Variants in CENPI observed in about 807,000 individuals in gnomAD.
CENPI encodes centromere protein I.
Under a neutral mutation model 60.4 loss-of-function variants are expected in CENPI, and 4 were observed. The ratio of observed to expected loss-of-function variants is 0.07; its 90% confidence interval spans 0.03 to 0.15. The LOEUF is 0.15. Among genes scored for constraint, CENPI ranks in the 10% least tolerant of loss-of-function variants. The pLI, the probability that CENPI is intolerant of heterozygous loss-of-function variation, is 1.00. For synonymous variants in CENPI, 157 were observed against 189.4 expected, an observed-to-expected ratio of 0.83 and a Z score of 1.40; for missense variants, 444 against 534.5, an observed-to-expected ratio of 0.83 and a Z score of 1.67.
chrX:101,162,473 A>ATATATATATAT (rs1556409814), intron 21 of CENPI, among the ~76,000 whole-genome samples: 1 of 68,129 alleles, frequency 1.5e-5, no homozygotes, highest in African/African-American at 6.9e-5. Context: ...AAAAAAAAAA[A>ATATATATATAT]ATATATATAT....
At chrX:101,098,953 C>T (rs771222547) in intron 2 of CENPI, 1 of 111,854 alleles carries the variant, frequency 8.9e-6, no homozygotes, top group South Asian at 3.8e-4. Flanking sequence ...AACTTAGTCC[C>T]TGGCTACGTT....
chrX:101,143,347 G>T (rs766795372), intron 16 of CENPI, among the ~76,000 whole-genome samples: 1 of 111,421 alleles, frequency 9.0e-6, no homozygotes, highest in African/African-American at 3.3e-5. Context: ...TGGATTGAAG[G>T]ACAGGGGTGA....
chrX:101,154,580 A>G (rs772581032), intron 20 of CENPI, among the ~76,000 whole-genome samples: 1 of 111,240 alleles, frequency 9.0e-6, no homozygotes, highest in Non-Finnish European at 1.9e-5. Flanking sequence ...AACTCTGTCT[A>G]AAAAAACAAA....
the CENPI span, among the ~76,000 whole-genome samples, chrX:101,174,295 G>C: frequency 9.0e-6 from 1 of 111,394 alleles, no homozygotes; most frequent in Non-Finnish European, 1.9e-5. Flanking sequence ...GATACCATTT[G>C]ACCTAGCAAT....
At chrX:101,181,776 A>G in the CENPI span, among the ~76,000 whole-genome samples, 1 of 111,675 alleles carries the variant, frequency 9.0e-6, no homozygotes, top group African/African-American at 3.3e-5. Context: ...CTTTTATTTC[A>G]TTTTCCTGAC....
intron 17 of CENPI, 103 bp from the exon 18 acceptor site, chrX:101,146,050 T>A: frequency 5.8e-6 from 4 of 688,721 alleles, no homozygotes; most frequent in Non-Finnish European, 6.2e-6. Context: ...CCAAAGCTAA[T>A]GTTATGTTAT....
At chrX:101,161,137 A>C in intron 20 of CENPI, among the ~76,000 whole-genome samples, 1 of 112,475 alleles carries the variant, frequency 8.9e-6, no homozygotes, top group Middle Eastern at 4.6e-3. Context: ...AATTCTGTTA[A>C]AAAGGCATTG....
intron 15 of CENPI, among the ~76,000 whole-genome samples, chrX:101,133,621 T>C (rs1353044439): frequency 1.8e-5 from 2 of 110,423 alleles, no homozygotes; most frequent in East Asian, 5.7e-4. Context: ...TATTTAATTC[T>C]CAGGCCAAGA....
In CENPI at chrX:101,161,567, C is replaced by G. The variant is rs746992618; in HGVS notation, c.2134C>G (p.Arg712Gly). The G allele has an allele frequency of 8.3e-7, 1 of 1,199,463 alleles. No individual in the cohort carries two copies. The highest frequency in any genetic ancestry group is 1.1e-6 in the Non-Finnish European group (1 of 885,006). ...EERTVNVSSI[R>G]GKKWSWYLDY... ...AAGGACAGTAAATGTGAGCTCTATTCGGGTAAATAAATTTACTTTCATCGT... is the reference window on the plus strand; with the variant it reads ...AAGGACAGTAAATGTGAGCTCTATTGGGGTAAATAAATTTACTTTCATCGT... The change falls in exon 21 of 22, where the codon CGG (arginine) becomes GGG (glycine). Residue 712 changes from arginine (R) to glycine (G), a missense_variant and splice_region_variant. Transcript: ENST00000682095.
In CENPI at chrX:101,127,672, G is replaced by C; in HGVS notation, c.1074+7G>C. The C allele has an allele frequency of 4.5e-6, 5 of 1,115,639 alleles. No individual in the cohort carries two copies. Among genetic ancestry groups the C allele is most frequent in the Non-Finnish European group, 6.0e-6 (5 of 839,389 alleles). 91.9% of individuals were successfully genotyped at this position (1,115,639 alleles called of 1,213,427 possible). On this transcript the variant is annotated splice_region_variant and intron_variant, in intron 11 of 21. Coordinates refer to ENST00000682095, the MANE Select transcript of CENPI (RefSeq NM_001386188.2). ...GAACATCCATTGCTTAGAGGTATGT[G>C]ACTGGACCATGTGCTTCTTTGCATT... is the stretch of plus-strand genomic sequence containing the variant.
chrX:101,130,761 C>T (rs140905861), intron 13 of CENPI, among the ~76,000 whole-genome samples: 2,052 of 111,385 alleles, frequency 0.018, 58 homozygotes, highest in African/African-American at 0.064. Flanking sequence ...TTTGGGTAAC[C>T]CTGAGTTGTA....
the CENPI span, among the ~76,000 whole-genome samples, chrX:101,176,724 C>T: frequency 1.8e-5 from 2 of 112,104 alleles, no homozygotes; most frequent in Non-Finnish European, 3.8e-5. Context: ...TTCAACGATG[C>T]CTCTACTCTG....
chrX:101,145,712 C>A (rs1395380447), intron 17 of CENPI, among the ~76,000 whole-genome samples: 1 of 108,307 alleles, frequency 9.2e-6, no homozygotes, highest in African/African-American at 3.3e-5. Context: ...TTAATATTAT[C>A]CATGAAGTAT....
Position 101,151,391 on chromosome X carries a change from T to C in CENPI, c.2094+3230T>C, listed in dbSNP as rs188920974. Among the ~76,000 whole-genome samples the C allele has an allele frequency of 4.9e-3, 547 of 111,832 alleles. 8 individuals are homozygous for C. The highest frequency in any genetic ancestry group is 0.038 in the Admixed American group (400 of 10,464). On this transcript the variant is annotated intron_variant, in intron 20 of 21. Transcript: ENST00000682095. ...TTGGCAAATTCCCTCAGGCCAAAAG[T>C]GATTTTGAGTATTAGACTTACTTCT... is the stretch of plus-strand genomic sequence containing the variant.
intron 12 of CENPI, 41 bp from the exon 13 acceptor site, chrX:101,129,941 G>A: frequency 1.1e-6 from 1 of 910,740 alleles, no homozygotes. Flanking sequence ...CTTTTTTATT[G>A]TGGTACAACT....
intron 2 of CENPI, among the ~76,000 whole-genome samples, chrX:101,099,526 T>A (rs1473874850): frequency 9.0e-6 from 1 of 110,748 alleles, no homozygotes; most frequent in Non-Finnish European, 1.9e-5. Context: ...CCAGCCAAGC[T>A]GCTGTTTCTT....
intron 20 of CENPI, among the ~76,000 whole-genome samples, chrX:101,151,927 CCAT>C (rs1306508513): frequency 9.0e-6 from 1 of 110,716 alleles, no homozygotes; most frequent in Non-Finnish European, 1.9e-5. Context: ...GCATCCATCA[CCAT>C]CATCAATTTT....
chrX:101,132,157 C>G (rs1200443795), intron 13 of CENPI, 33 bp from the exon 14 acceptor site: 2 of 977,907 alleles, frequency 2.0e-6, no homozygotes, highest in Admixed American at 4.6e-5. Flanking sequence ...TGAAGAGTTC[C>G]ATATAAGGAT....
At chrX:101,130,208 T>G (rs2089781695) in intron 13 of CENPI, 135 bp downstream of exon 13, 2 of 415,726 alleles carry the variant, frequency 4.8e-6, no homozygotes, top group Non-Finnish European at 8.5e-6. Context: ...CCAAGGCGGG[T>G]GGATCACTTG....
Sources: allele counts gnomAD v4.1 joint callset (sites outside exome capture counted in the v4.1 genomes callset), GRCh38; gene constraint gnomAD v4.1.1; transcripts MANE v1.5; gene names NCBI Gene and HGNC (gene_info 2026-07-23, HGNC 2026-07-21).